RBFOX1: variants seen among roughly 807,000 people sequenced by gnomAD.
RBFOX1 encodes RNA binding protein fox-1 homolog 1.
A neutral mutation model predicts 57.7 loss-of-function variants in RBFOX1; 8 were observed. That is an observed-to-expected ratio of 0.14 (90% CI 0.08 to 0.25). RBFOX1 has a LOEUF of 0.25. RBFOX1 is among the 10% of genes least tolerant of loss of function. The pLI is 1.00. For synonymous variants in RBFOX1, 326 were observed against 222.4 expected (o/e 1.47, Z -4.15); for missense variants, 611 against 548.5 (o/e 1.11, Z -1.14).
intron 2 of RBFOX1, among the ~76,000 whole-genome samples, chr16:6,621,932 A>G (rs34721885): frequency 2.6e-5 from 4 of 152,156 alleles, no homozygotes; most frequent in Non-Finnish European, 4.4e-5. Context: ...GCTAAGAGAG[A>G]GTTATGGTGG....
chr16:5,952,870 C>G (rs2059548874), intron 4 of RBFOX1, among the ~76,000 whole-genome samples: 1 of 152,138 alleles, frequency 6.6e-6, no homozygotes. Flanking sequence ...GGTTATCAGA[C>G]CTCTGCCTCT....
intron 3 of RBFOX1, among the ~76,000 whole-genome samples, chr16:6,719,864 G>A (rs982594212): frequency 2.0e-5 from 3 of 151,978 alleles, no homozygotes; most frequent in Non-Finnish European, 2.9e-5. Flanking sequence ...AAGCCTGGGC[G>A]GGCGGATCAC....
At chr16:7,071,231 A>G (rs1374180850) in intron 4 of RBFOX1, among the ~76,000 whole-genome samples, 2 of 152,162 alleles carry the variant, frequency 1.3e-5, no homozygotes, top group African/African-American at 2.4e-5. Context: ...TATTGAGCAT[A>G]TACTACATAC....
At chr16:7,360,247 A>T (rs1380282208) in intron 4 of RBFOX1, among the ~76,000 whole-genome samples, 2 of 152,056 alleles carry the variant, frequency 1.3e-5, no homozygotes, top group East Asian at 1.9e-4. Flanking sequence ...GAAATGCCCC[A>T]TTTTTTCCCA....
At chr16:7,206,497 A>C (rs2090002847) in intron 4 of RBFOX1, among the ~76,000 whole-genome samples, 1 of 151,782 alleles carries the variant, frequency 6.6e-6, no homozygotes, top group African/African-American at 2.4e-5. Context: ...GCACACACAC[A>C]CACATATATT....
chr16:7,393,345 G>C (rs576443892), intron 4 of RBFOX1, among the ~76,000 whole-genome samples: 104 of 152,272 alleles, frequency 6.8e-4, no homozygotes, highest in African/African-American at 2.1e-3. Context: ...GTCACTTCTT[G>C]CTCACCTCTG....
intron 2 of RBFOX1, among the ~76,000 whole-genome samples, chr16:5,570,568 G>C (rs960232158): frequency 6.6e-6 from 1 of 152,108 alleles, no homozygotes; most frequent in African/African-American, 2.4e-5. Flanking sequence ...GGTTGGATGT[G>C]GTGGTTCACG....
intron 3 of RBFOX1, among the ~76,000 whole-genome samples, chr16:5,707,302 T>G (rs1273838804): frequency 6.6e-6 from 1 of 152,218 alleles, no homozygotes; most frequent in African/African-American, 2.4e-5. Context: ...GAAAGAAAAT[T>G]GCTTCTGTAA....
chr16:6,842,973 C>A (rs1257549500), intron 3 of RBFOX1, among the ~76,000 whole-genome samples: 4 of 152,138 alleles, frequency 2.6e-5, no homozygotes, highest in Non-Finnish European at 5.9e-5. Flanking sequence ...TTTCCAGGTT[C>A]ATCCATGTCC....
intron 1 of RBFOX1, among the ~76,000 whole-genome samples, chr16:6,064,693 A>T (rs1216605181): frequency 6.6e-6 from 1 of 152,216 alleles, no homozygotes; most frequent in East Asian, 1.9e-4. Flanking sequence ...GGTGCATGCC[A>T]CCACACCCAG....
chr16:5,288,789 C>G (rs1321193003), intron 1 of RBFOX1, among the ~76,000 whole-genome samples: 1 of 152,058 alleles, frequency 6.6e-6, no homozygotes, highest in African/African-American at 2.4e-5. Context: ...GAAAACCCAG[C>G]ATCACAGCGG....
At chr16:6,378,707 C>T (rs1335073112) in intron 2 of RBFOX1, among the ~76,000 whole-genome samples, 4 of 152,206 alleles carry the variant, frequency 2.6e-5, no homozygotes, top group African/African-American at 9.6e-5. Flanking sequence ...TGTCAGTCTT[C>T]CCAGTTAAAG....
At chr16:6,895,448 GTATATATATATATATA>G (rs71147622) in intron 3 of RBFOX1, among the ~76,000 whole-genome samples, 4 of 54,610 alleles carry the variant, frequency 7.3e-5, no homozygotes, top group East Asian at 5.2e-4. Context: ...GTGTGTGTGT[GTATATATATATATATA>G]TATATATATA....
Position 6,960,739 on chromosome 16 carries a change from G to A in RBFOX1, c.-15-91318G>A, listed in dbSNP as rs551956969. 3.9e-5 allele frequency among the ~76,000 whole-genome samples: 6 copies of A among 152,152 alleles called. No individual in the cohort carries two copies. The South Asian group carries it at 1.2e-3, about 32-fold the overall frequency. ...CTGTCTCTACCTGTCACCACTGCAA[G>A]AGGGTACAGAACTCAGACTTTGAGC... On this transcript the variant is annotated intron_variant, in intron 3 of 15. Coordinates refer to ENST00000550418, the MANE Select transcript of RBFOX1 (RefSeq NM_018723.4).
At chr16:7,090,117 T>G (rs2060583360) in intron 4 of RBFOX1, among the ~76,000 whole-genome samples, 1 of 152,190 alleles carries the variant, frequency 6.6e-6, no homozygotes, top group African/African-American at 2.4e-5. Context: ...TATCTCTGTT[T>G]AAGAGCTCAT....
chr16:5,563,011 A>G (rs970139802), intron 2 of RBFOX1, among the ~76,000 whole-genome samples: 1 of 152,052 alleles, frequency 6.6e-6, no homozygotes, highest in Non-Finnish European at 1.5e-5. Flanking sequence ...GTGCAGTGGT[A>G]TAATCTTGGC....
At chr16:7,091,539 G>A (rs533288520) in intron 4 of RBFOX1, among the ~76,000 whole-genome samples, 38 of 149,218 alleles carry the variant, frequency 2.5e-4, no homozygotes, top group Admixed American at 8.1e-4. Context: ...AAAAAAAAAA[G>A]AAGAAAACGA....
At chr16:7,400,936 C>A (rs944632576) in intron 4 of RBFOX1, among the ~76,000 whole-genome samples, 7 of 152,168 alleles carry the variant, frequency 4.6e-5, no homozygotes, top group African/African-American at 1.4e-4. Flanking sequence ...GTCTCACATA[C>A]CACCACGGTA....
At chr16:7,633,599 A>C (rs1049302449) in intron 11 of RBFOX1, among the ~76,000 whole-genome samples, 2 of 152,244 alleles carry the variant, frequency 1.3e-5, no homozygotes, top group African/African-American at 4.8e-5. Flanking sequence ...TTAAAAAGCA[A>C]AATGAAAACT....
Sources: allele counts gnomAD v4.1 joint callset (sites outside exome capture counted in the v4.1 genomes callset), GRCh38; gene constraint gnomAD v4.1.1; transcripts MANE v1.5; gene names NCBI Gene and HGNC (gene_info 2026-07-23, HGNC 2026-07-21).